TPRG1: variants seen among roughly 807,000 people sequenced by gnomAD.
The protein encoded by TPRG1 is tumor protein p63 regulated 1, also known as tumor protein p63-regulated gene 1 protein.
In TPRG1, 29 loss-of-function variants were observed where a neutral mutation model predicts 29.3. The ratio of observed to expected loss-of-function variants is 0.99; its 90% CI spans 0.74 to 1.35. TPRG1 has a LOEUF of 1.35. TPRG1 is among the 40% of genes most tolerant of loss of function. The pLI is 0.00. For missense variants in TPRG1, 327 were observed against 335.0 expected (o/e 0.98, Z 0.19); for synonymous variants, 130 against 116.8 (o/e 1.11, Z -0.73).
At position 189,072,059 on chromosome 3, in the gene TPRG1, C is replaced by G. The variant is rs150395323; in HGVS notation, c.-463+48113C>G. 2.0e-5 allele frequency among the ~76,000 whole-genome samples: 3 copies of G among 152,254 alleles called. 1 individual carries two copies. The highest frequency in any genetic ancestry group is 7.2e-5 in the African/African-American group (3 of 41,558). On this transcript the variant is annotated intron_variant, in intron 4 of 10. Coordinates refer to the TPRG1 transcript ENST00000433971. ...TTGGCCATACTGGGCCTTTGTCAGG[C>G]TGACTTGATAGTGATGATGGAGAAA...
chr3:189,004,029 T>C (rs1712164616), intron 2 of TPRG1, among the ~76,000 whole-genome samples: 1 of 152,072 alleles, frequency 6.6e-6, no homozygotes, highest in African/African-American at 2.4e-5. Flanking sequence ...AAATAAACAT[T>C]ATAAGTGAAT....
intron 2 of TPRG1, among the ~76,000 whole-genome samples, chr3:189,003,640 C>T (rs147867569): frequency 1.3e-5 from 2 of 152,068 alleles, no homozygotes; most frequent in African/African-American, 4.8e-5. Flanking sequence ...TCTCCTGATT[C>T]ATCTTTGGTG....
chr3:189,009,433 T>G (rs555983468), intron 3 of TPRG1, among the ~76,000 whole-genome samples: 5 of 152,148 alleles, frequency 3.3e-5, no homozygotes, highest in African/African-American at 1.2e-4. Context: ...ATGATGCTAG[T>G]TAGGGAAGGC....
At chr3:189,068,055 G>A (rs1298618554) in intron 4 of TPRG1, among the ~76,000 whole-genome samples, 48 of 152,092 alleles carry the variant, frequency 3.2e-4, no homozygotes, top group Admixed American at 3.1e-3. Flanking sequence ...ATGGCCAACA[G>A]GTATATGAAA....
At chr3:189,152,342 G>A (rs1726042727) in intron 5 of TPRG1, among the ~76,000 whole-genome samples, 1 of 152,154 alleles carries the variant, frequency 6.6e-6, no homozygotes, top group African/African-American at 2.4e-5. Flanking sequence ...GCACTTCCTA[G>A]TCCAATCAGC....
intron 4 of TPRG1, among the ~76,000 whole-genome samples, chr3:189,025,628 A>T (rs908106050): frequency 6.6e-6 from 1 of 152,204 alleles, no homozygotes; most frequent in Non-Finnish European, 1.5e-5. Flanking sequence ...GTGTGGTATG[A>T]TAGTGTATTC....
chr3:189,013,195 C>G (rs1207882220), intron 3 of TPRG1, among the ~76,000 whole-genome samples: 2 of 152,142 alleles, frequency 1.3e-5, no homozygotes, highest in African/African-American at 4.8e-5. Context: ...TTAGCTGAGT[C>G]TCAGAGATTC....
In TPRG1 at chr3:189,243,652, G is replaced by A. The variant is rs142275204; in HGVS notation, c.479+4743G>A. ...AAGTCATTTCTTTGCTCATATGTAT[G>A]AGTATAGGTTCTTAGAAGCAGCCAG... On this transcript the variant is annotated intron_variant, in intron 4 of 5. Transcript: ENST00000345063. 1.7e-3 allele frequency among the ~76,000 whole-genome samples: 252 copies of A among 152,058 alleles called. 2 individuals are homozygous for A. The highest frequency in any genetic ancestry group is 5.4e-3 in the African/African-American group (223 of 41,470).
intron 3 of TPRG1, among the ~76,000 whole-genome samples, chr3:189,134,015 C>A (rs1723420049): frequency 6.6e-6 from 1 of 152,148 alleles, no homozygotes; most frequent in Non-Finnish European, 1.5e-5. Flanking sequence ...ATACTGCAGG[C>A]TTTATTGCTG....
intron 4 of TPRG1, among the ~76,000 whole-genome samples, chr3:189,272,736 CTTCCTTCCTTCCTTCG>C (rs1156299959): frequency 3.6e-5 from 5 of 140,260 alleles, no homozygotes; most frequent in African/African-American, 5.9e-5. Flanking sequence ...TCCTTCCTTC[CTTCCTTCCTTCCTTCG>C]TTCCTTCCTT....
At chr3:189,061,514 A>G (rs988629189) in intron 4 of TPRG1, among the ~76,000 whole-genome samples, 1 of 152,254 alleles carries the variant, frequency 6.6e-6, no homozygotes, top group Admixed American at 6.5e-5. Context: ...AATGTACAGA[A>G]TGTGAGACAA....
At chr3:189,250,388 A>G (rs1248984061) in intron 4 of TPRG1, among the ~76,000 whole-genome samples, 2 of 151,820 alleles carry the variant, frequency 1.3e-5, no homozygotes, top group African/African-American at 4.8e-5. Flanking sequence ...TTAAAAGGTG[A>G]CATTAATCGT....
chr3:189,098,996 C>T (rs774855385), upstream of TPRG1, among the ~76,000 whole-genome samples: 11 of 152,252 alleles, frequency 7.2e-5, no homozygotes, highest in South Asian at 2.1e-4. Context: ...CAAACAGAGA[C>T]GGCTTTACCC....
chr3:189,265,599 G>T lies in TPRG1; in HGVS notation c.479+26690G>T, dbSNP rs1382636551. On this transcript the variant is annotated intron_variant, in intron 4 of 5. Transcript: ENST00000345063. ...AACACTAAATAGCTCAGGCTGCCTTGAATCTAAGTCTGTCCATTTGACTAA... is the reference window on the plus strand; with the variant it reads ...AACACTAAATAGCTCAGGCTGCCTTTAATCTAAGTCTGTCCATTTGACTAA... Among the ~76,000 whole-genome samples, 3 of 152,170 alleles carry T rather than the reference G, an allele frequency of 2.0e-5. No homozygotes were observed. The East Asian group carries it at 5.8e-4, about 29-fold the overall frequency.
chr3:189,300,087 C>T (rs891957697), intron 4 of TPRG1, among the ~76,000 whole-genome samples: 3 of 152,184 alleles, frequency 2.0e-5, no homozygotes, highest in Non-Finnish European at 4.4e-5. Flanking sequence ...TGATTATCTT[C>T]GTGTATGCTT....
intron 4 of TPRG1, among the ~76,000 whole-genome samples, chr3:189,242,660 CTT>C: frequency 6.6e-6 from 1 of 151,834 alleles, no homozygotes; most frequent in South Asian, 2.1e-4. Context: ...GTTCCCTCCT[CTT>C]TTATTTTTTA....
At chr3:189,172,394 C>T (rs1002345922) in intron 1 of TPRG1, among the ~76,000 whole-genome samples, 5 of 152,004 alleles carry the variant, frequency 3.3e-5, no homozygotes, top group African/African-American at 1.2e-4. Context: ...TCTTAACTGC[C>T]CTATAGTGCA....
At chr3:189,182,810 T>A (rs143321100) in intron 1 of TPRG1, among the ~76,000 whole-genome samples, 26 of 152,202 alleles carry the variant, frequency 1.7e-4, no homozygotes, top group African/African-American at 5.5e-4. Context: ...TATTGAGGTA[T>A]AATTGACAAA....
In TPRG1 at chr3:189,032,682, G is replaced by A. The variant is rs190309906; in HGVS notation, c.-463+8736G>A. 7.8e-4 allele frequency among the ~76,000 whole-genome samples: 117 copies of A among 150,912 alleles called. 1 individual carries two copies. Among genetic ancestry groups the A allele is most frequent in the Non-Finnish European group, 7.7e-4 (52 of 67,812 alleles). ...TACATATGTATACATGGGCCATGCT[G>A]GTGTGCTGCACCCGTTAACTCGTCA... On this transcript the variant is annotated intron_variant, in intron 4 of 10. Transcript: ENST00000433971.
Sources: allele counts gnomAD v4.1 joint callset (sites outside exome capture counted in the v4.1 genomes callset), GRCh38; gene constraint gnomAD v4.1.1; transcripts MANE v1.5; gene names NCBI Gene and HGNC (gene_info 2026-07-23, HGNC 2026-07-21).